The following DHX35 variants were observed in gnomAD, a reference collection of about 807,000 sequenced individuals.
DHX35 encodes probable ATP-dependent RNA helicase DHX35.
Under a neutral mutation model 99.6 loss-of-function variants are expected in DHX35, and 84 were observed. The observed-to-expected ratio is 0.84, with a 90% CI of 0.71 to 1.01. The LOEUF (loss-of-function observed/expected upper bound fraction) is 1.01, where lower values mean the gene tolerates loss of function less well. Ranked by LOEUF, DHX35 falls within the 50% of genes least tolerant of loss-of-function variation. The probability of loss-of-function intolerance (pLI) is 0.00; values close to 1 mark genes in which losing one functional copy is unlikely to be tolerated. For synonymous variants in DHX35, 331 were observed against 316.2 expected, an observed-to-expected ratio of 1.05 and a Z score of -0.50; for missense variants, 852 against 888.5, an observed-to-expected ratio of 0.96 and a Z score of 0.52.
At chr20:38,992,468 A>G (rs202003458) in intron 7 of DHX35, 43 bp downstream of exon 7, 238 of 1,587,244 alleles carry the variant, frequency 1.5e-4, no homozygotes, top group Non-Finnish European at 2.0e-4. Context: ...TGTTTATTTT[A>G]TTGCCTAATT....
chr20:39,034,039 C>T (rs992131786), intron 20 of DHX35, 167 bp from the exon 21 acceptor site: 4 of 600,682 alleles, frequency 6.7e-6, no homozygotes, highest in Admixed American at 2.7e-5. Flanking sequence ...TTACCCAGCA[C>T]TTAGGTCTTG....
At position 39,021,947 on chromosome 20, in the gene DHX35, C is replaced by G. The variant is rs778229481; in HGVS notation, c.1593+12C>G. On this transcript the variant is annotated intron_variant, in intron 16 of 21. Transcript: ENST00000252011. ...AGAAGTCTCACGCAGTAAGTCAGCT[C>G]TGTCCCCAGGCTGTCTGTACCAGTC... The G allele has an allele frequency of 1.2e-6, 2 of 1,613,436 alleles. No homozygotes were observed. The highest frequency in any genetic ancestry group is 2.2e-5 in the East Asian group (1 of 44,874).
rs192306100 is a variant in DHX35, at chr20:39,001,853, G to A, written c.755+11G>A. The A allele has an allele frequency of 6.3e-7, 1 of 1,583,034 alleles. No homozygotes were observed. The highest frequency in any genetic ancestry group is 1.7e-5 in the Admixed American group (1 of 58,798). On this transcript the variant is annotated intron_variant, in intron 9 of 21. Transcript: ENST00000252011. ...CTTTTATCTACAAAGGTTTGATGATGCTTGAATTCTGGATGATGGTGTTTA... is the reference window on the plus strand; with the variant it reads ...CTTTTATCTACAAAGGTTTGATGATACTTGAATTCTGGATGATGGTGTTTA...
intron 11 of DHX35, 63 bp downstream of exon 11, chr20:39,003,970 A>T (rs2086569331): frequency 8.2e-6 from 13 of 1,580,182 alleles, no homozygotes. Flanking sequence ...ATGCTCCTTT[A>T]CTTGTTTTGA....
In DHX35 at chr20:39,025,308, C is replaced by G. The variant is rs1199922982; in HGVS notation, c.1750C>G (p.Gln584Glu). ...GLVRAATVREQLKKLLVKFQV... is the reference protein window; with the variant it reads ...GLVRAATVREELKKLLVKFQV... ...TGTCAGAGCTGCGACTGTAAGAGAA[C>G]AATTGAAAAAGCTTCTTGTCAAGTT... The change falls in exon 18 of 22, where the codon CAA becomes GAA. Residue 584 changes from glutamine (Q) to glutamate (E), a missense_variant. By Grantham distance (29) the Gln-to-Glu change is conservative. Transcript: ENST00000252011. The G allele has an allele frequency of 6.2e-7, 1 of 1,613,556 alleles. No homozygotes were observed. Among genetic ancestry groups the G allele is most frequent in the East Asian group, 2.2e-5 (1 of 44,886 alleles).
rs549920708 is a variant in DHX35 at position 38,983,784 on chromosome 20, T to A, written c.345+8T>A. On this transcript the variant is annotated splice_region_variant and intron_variant, in intron 4 of 21. Transcript: ENST00000252011. The stretch of plus-strand genomic sequence containing the variant: ...AGAGTGGCTGCTGTTACAGTGAGTT[T>A]CTTTTTGTGTTGGAAAGATTCTATC... 6.2e-7 allele frequency: 1 copy of A among 1,611,362 alleles called. No individual in the cohort carries two copies. Among genetic ancestry groups the A allele is most frequent in the Admixed American group, 1.7e-5 (1 of 59,792 alleles).
chr20:38,964,217 C>T (rs1319333219), intron 1 of DHX35, among the ~76,000 whole-genome samples: 5 of 152,010 alleles, frequency 3.3e-5, no homozygotes, highest in South Asian at 2.1e-4. Flanking sequence ...AAATGGAACT[C>T]GAAGCAAAGG....
At chr20:39,014,162 G>T (rs2086745638) in intron 13 of DHX35, among the ~76,000 whole-genome samples, 1 of 152,186 alleles carries the variant, frequency 6.6e-6, no homozygotes, top group African/African-American at 2.4e-5. Context: ...AACATCCTAT[G>T]CAGTTTAAAA....
At chr20:38,968,816 T>C (rs1315063885) in intron 1 of DHX35, among the ~76,000 whole-genome samples, 3 of 152,190 alleles carry the variant, frequency 2.0e-5, no homozygotes, top group Non-Finnish European at 2.9e-5. Flanking sequence ...CCTCCCAAAG[T>C]GCTGGGATTA....
At chr20:38,983,577 C>A in intron 3 of DHX35, 122 bp from the exon 4 acceptor site, 1 of 671,586 alleles carries the variant, frequency 1.5e-6, no homozygotes, top group Non-Finnish European at 2.5e-6. Flanking sequence ...CAAAGTTCTG[C>A]TGGGACAAGA....
At chr20:39,011,520 A>G (rs2086703104) in intron 13 of DHX35, among the ~76,000 whole-genome samples, 1 of 152,086 alleles carries the variant, frequency 6.6e-6, no homozygotes, top group Admixed American at 6.5e-5. Context: ...TATTTTTAGT[A>G]GAGACAAGGT....
chr20:38,980,446 C>T (rs987174987), intron 3 of DHX35, among the ~76,000 whole-genome samples: 1 of 150,630 alleles, frequency 6.6e-6, no homozygotes, highest in Non-Finnish European at 1.5e-5. Flanking sequence ...ATATAAGGCA[C>T]TCAGTACAGT....
chr20:38,983,901 TG>T, intron 4 of DHX35, 125 bp downstream of exon 4: 1 of 801,470 alleles, frequency 1.2e-6, no homozygotes. Flanking sequence ...TCAGTTTTTA[TG>T]TTTTTTTTAT....
intron 8 of DHX35, 124 bp from the exon 9 acceptor site, chr20:39,001,606 A>G: frequency 1.5e-6 from 1 of 652,836 alleles, no homozygotes; most frequent in Non-Finnish European, 2.6e-6. Flanking sequence ...CATAATCTGT[A>G]TTGCACATAT....
At chr20:38,965,710 G>A (rs942953074) in intron 1 of DHX35, among the ~76,000 whole-genome samples, 2 of 152,072 alleles carry the variant, frequency 1.3e-5, no homozygotes, top group Non-Finnish European at 2.9e-5. Context: ...TTTAACAATA[G>A]CATGTCTGGG....
intron 3 of DHX35, among the ~76,000 whole-genome samples, chr20:38,979,464 A>G (rs2086137717): frequency 6.6e-6 from 1 of 152,250 alleles, no homozygotes; most frequent in Non-Finnish European, 1.5e-5. Context: ...GAACAAAGGA[A>G]TAAATGGTGA....
intron 15 of DHX35, among the ~76,000 whole-genome samples, chr20:39,019,897 G>C (rs1171033966): frequency 6.6e-6 from 1 of 152,098 alleles, no homozygotes; most frequent in Non-Finnish European, 1.5e-5. Context: ...TGACCCAGGG[G>C]ATCTCCCAGC....
At chr20:39,021,154 C>T (rs1011930992) in intron 15 of DHX35, among the ~76,000 whole-genome samples, 50 of 152,182 alleles carry the variant, frequency 3.3e-4, no homozygotes, top group African/African-American at 1.2e-3. Context: ...GGCTTCCCAG[C>T]TGAGATGAAC....
At chr20:39,022,402 G>A (rs372779866) in intron 16 of DHX35, among the ~76,000 whole-genome samples, 3 of 152,070 alleles carry the variant, frequency 2.0e-5, no homozygotes, top group African/African-American at 7.2e-5. Context: ...CAGGTGATCC[G>A]CCCTTGACCT....
Sources: allele counts gnomAD v4.1 joint callset (sites outside exome capture counted in the v4.1 genomes callset), GRCh38; gene constraint gnomAD v4.1.1; transcripts MANE v1.5; gene names NCBI Gene and HGNC (gene_info 2026-07-23, HGNC 2026-07-21).